Variants in ADTRP observed in about 807,000 individuals in gnomAD.
ADTRP encodes the protein androgen-dependent TFPI-regulating protein.
A neutral mutation model predicts 27.0 loss-of-function variants in ADTRP; 20 were observed. That is an observed-to-expected ratio of 0.74 (90% confidence interval 0.52 to 1.08). ADTRP has a LOEUF of 1.08. Ranked by LOEUF, ADTRP falls within the 50% of genes least tolerant of loss-of-function variation. The pLI is 0.00. For synonymous variants in ADTRP, 101 were observed against 105.2 expected, an observed-to-expected ratio of 0.96 and a Z score of 0.25; for missense variants, 251 against 275.0, an observed-to-expected ratio of 0.91 and a Z score of 0.62.
chr6:11,755,239 T>C (rs1763178233), intron 3 of ADTRP: 2 of 233,924 alleles, frequency 8.5e-6, no homozygotes, highest in Non-Finnish European at 1.4e-5. Context: ...CCTTTGACCT[T>C]GATTGAGAAA....
chr6:11,728,083 A>G (rs1414943624), intron 4 of ADTRP, among the ~76,000 whole-genome samples: 4 of 152,178 alleles, frequency 2.6e-5, no homozygotes, highest in African/African-American at 9.7e-5. Flanking sequence ...GTTTGATCCC[A>G]TGAAATCATA....
At chr6:11,757,286 C>T (rs542363403) in intron 3 of ADTRP, among the ~76,000 whole-genome samples, 7 of 152,130 alleles carry the variant, frequency 4.6e-5, no homozygotes, top group African/African-American at 1.2e-4. Context: ...CTCTTAAATC[C>T]CCCCAATCTT....
intron 4 of ADTRP, among the ~76,000 whole-genome samples, chr6:11,731,438 C>T (rs1391457843): frequency 2.0e-5 from 3 of 152,204 alleles, no homozygotes; most frequent in African/African-American, 7.2e-5. Flanking sequence ...ACAGCAACAA[C>T]AAATGCTCCC....
intron 5 of ADTRP, 62 bp from the exon 6 acceptor site, chr6:11,714,574 T>C (rs182190422): frequency 2.6e-6 from 4 of 1,562,914 alleles, no homozygotes; most frequent in South Asian, 2.4e-5. Flanking sequence ...GGTATTTTTG[T>C]TGTGGGTAGA....
At chr6:11,772,100 C>A (rs1336686473) in intron 1 of ADTRP, among the ~76,000 whole-genome samples, 1 of 152,206 alleles carries the variant, frequency 6.6e-6, no homozygotes, top group African/African-American at 2.4e-5. Flanking sequence ...GCTATTTTGG[C>A]CGCCCAGAAA....
chr6:11,766,569 A>G (rs1045794973), intron 2 of ADTRP, among the ~76,000 whole-genome samples, 194 bp from the exon 3 acceptor site: 3 of 152,340 alleles, frequency 2.0e-5, no homozygotes, highest in East Asian at 1.9e-4. Context: ...TTTCATTGCT[A>G]TATCTGCTCT....
intron 3 of ADTRP, among the ~76,000 whole-genome samples, chr6:11,738,341 C>T (rs1437209226): frequency 2.6e-5 from 4 of 152,182 alleles, no homozygotes; most frequent in Admixed American, 6.5e-5. Flanking sequence ...CCTGCGTTCC[C>T]AGTCAAGGCC....
intron 1 of ADTRP, among the ~76,000 whole-genome samples, chr6:11,777,181 C>T (rs184751642): frequency 3.3e-5 from 5 of 152,272 alleles, no homozygotes; most frequent in Admixed American, 3.3e-4. Context: ...AGAGACTTTT[C>T]TCACTCTTGG....
chr6:11,738,694 A>G (rs1033705014), intron 3 of ADTRP: 1 of 152,228 alleles, frequency 6.6e-6, no homozygotes, highest in Non-Finnish European at 1.5e-5. Context: ...TATAACAAAC[A>G]ACTCAGGAAT....
chr6:11,729,818 C>T (rs1472030829), intron 4 of ADTRP, among the ~76,000 whole-genome samples: 1 of 152,138 alleles, frequency 6.6e-6, no homozygotes, highest in African/African-American at 2.4e-5. Flanking sequence ...TTTACTTATA[C>T]CCAAGACGAT....
At chr6:11,761,107 G>T in intron 3 of ADTRP, among the ~76,000 whole-genome samples, 1 of 152,142 alleles carries the variant, frequency 6.6e-6, no homozygotes, top group Non-Finnish European at 1.5e-5. Context: ...TCACTGTTCT[G>T]CTGCCTGAGC....
intron 5 of ADTRP, chr6:11,717,463 T>G (rs755031336): frequency 2.3e-6 from 3 of 1,295,062 alleles, no homozygotes; most frequent in Non-Finnish European, 3.0e-6. Context: ...TCACCATAGA[T>G]ACCATATATA....
chr6:11,744,908 A>G (rs1347188099), intron 3 of ADTRP, among the ~76,000 whole-genome samples: 1 of 152,160 alleles, frequency 6.6e-6, no homozygotes, highest in Non-Finnish European at 1.5e-5. Context: ...CAGAGTGTGT[A>G]AGCAGCTGGT....
At chr6:11,734,284 G>A (rs953012707) in intron 4 of ADTRP, among the ~76,000 whole-genome samples, 3 of 152,188 alleles carry the variant, frequency 2.0e-5, no homozygotes, top group African/African-American at 7.2e-5. Flanking sequence ...ACTGTCCATT[G>A]TCATGCTATT....
At chr6:11,754,957 C>G in intron 3 of ADTRP, 2,493 of 809,148 alleles carry the variant, frequency 3.1e-3, no homozygotes, top group Middle Eastern at 4.4e-3. Context: ...GAGTTTGGCT[C>G]TTTCCTTCCA....
At chr6:11,747,495 GT>G (rs1036520793) in intron 3 of ADTRP, among the ~76,000 whole-genome samples, 2 of 152,158 alleles carry the variant, frequency 1.3e-5, no homozygotes, top group Non-Finnish European at 2.9e-5. Context: ...AATCTCCTCT[GT>G]TTTTATGAGG....
At chr6:11,763,924 T>G (rs1253011346) in intron 3 of ADTRP, among the ~76,000 whole-genome samples, 1 of 152,210 alleles carries the variant, frequency 6.6e-6, no homozygotes, top group African/African-American at 2.4e-5. Context: ...TACCAACATT[T>G]TTCCTAAGAT....
rs1763296475 is a variant in ADTRP at position 11,758,584 on chromosome 6, G to GGGA, written c.390+7687_390+7689dup. ...GGGGACTGTTGTGGGGTGGGGGGGG[G>GGGA]GGACGGATAGCATTAGGAGGTATAC... On this transcript the variant is annotated intron_variant, in intron 3 of 5. Coordinates refer to ENST00000414691, the MANE Select transcript of ADTRP (RefSeq NM_032744.4). Among the ~76,000 whole-genome samples, 3 of 121,556 alleles carry GGGA rather than the reference G, an allele frequency of 2.5e-5. No homozygotes were observed. The South Asian group carries it at 1.1e-3, about 45-fold the overall frequency. The allele number at this position is 121,556 out of a possible 152,430, so 79.7% of individuals were successfully genotyped here.
intron 1 of ADTRP, among the ~76,000 whole-genome samples, chr6:11,776,199 T>C (rs952926684): frequency 6.6e-6 from 1 of 152,200 alleles, no homozygotes; most frequent in Non-Finnish European, 1.5e-5. Flanking sequence ...TCAAGATGAC[T>C]CCTAATGGAG....
Sources: allele counts gnomAD v4.1 joint callset (sites outside exome capture counted in the v4.1 genomes callset), GRCh38; gene constraint gnomAD v4.1.1; transcripts MANE v1.5; gene names NCBI Gene and HGNC (gene_info 2026-07-23, HGNC 2026-07-21).